The following SDK1 variants were observed in gnomAD, a reference collection of about 807,000 sequenced individuals.
SDK1 encodes the protein protein sidekick-1.
SDK1 carries 157 observed loss-of-function variants against 245.5 expected under a neutral mutation model. That is an observed-to-expected ratio of 0.64 (90% CI 0.56 to 0.73). The LOEUF (loss-of-function observed/expected upper bound fraction) is 0.73. SDK1 is among the 30% of genes least tolerant of loss of function. The pLI is 0.00. For missense variants in SDK1, 3,583 were observed against 3,002.3 expected (o/e 1.19, Z -4.52); for synonymous variants, 1,647 against 1,278.5 (o/e 1.29, Z -6.15).
At chr7:3,890,908 G>T (rs1583518170) in intron 5 of SDK1, among the ~76,000 whole-genome samples, 1 of 152,104 alleles carries the variant, frequency 6.6e-6, no homozygotes, top group South Asian at 2.1e-4. Context: ...CTCCAGCCTG[G>T]GTGATATAGC....
intron 1 of SDK1, among the ~76,000 whole-genome samples, chr7:3,431,807 A>G (rs1314944068): frequency 1.3e-5 from 2 of 152,292 alleles, no homozygotes; most frequent in East Asian, 1.9e-4. Flanking sequence ...TGATAGAAAC[A>G]TAGGTGCATT....
chr7:3,836,621 C>A (rs550885145), intron 5 of SDK1, among the ~76,000 whole-genome samples: 14 of 152,294 alleles, frequency 9.2e-5, no homozygotes, highest in African/African-American at 3.4e-4. Flanking sequence ...ACATTTCTCT[C>A]CAAATGGGAA....
chr7:4,233,056 A>G, intron 40 of SDK1, 199 bp from the exon 41 acceptor site: 1 of 555,478 alleles, frequency 1.8e-6, no homozygotes, highest in South Asian at 2.4e-5. Context: ...TTCTACAATC[A>G]TCACACCATT....
intron 28 of SDK1, among the ~76,000 whole-genome samples, chr7:4,139,871 T>G (rs1247878964): frequency 6.6e-6 from 1 of 152,026 alleles, no homozygotes; most frequent in Non-Finnish European, 1.5e-5. Flanking sequence ...TGGAGCTGGG[T>G]GGAGCCCTCG....
chr7:4,078,181 C>G (rs1310991504), intron 21 of SDK1, among the ~76,000 whole-genome samples: 1 of 152,136 alleles, frequency 6.6e-6, no homozygotes, highest in Non-Finnish European at 1.5e-5. Flanking sequence ...AGTTGCTGTT[C>G]CGTCATTGCC....
At chr7:4,030,217 G>C (rs1045970474) in intron 17 of SDK1, among the ~76,000 whole-genome samples, 2 of 151,896 alleles carry the variant, frequency 1.3e-5, no homozygotes, top group African/African-American at 2.4e-5. Context: ...GCCACACAGA[G>C]AGAACCAAGG....
chr7:3,565,138 A>G lies in SDK1; in HGVS notation c.299-53942A>G, dbSNP rs188261399. ...TTTTTTTTAAACCTCACAAGGGGATAACTAGACACTGGAATATAGCTGGGC... is the reference window on the plus strand; with the variant it reads ...TTTTTTTTAAACCTCACAAGGGGATGACTAGACACTGGAATATAGCTGGGC... On this transcript the variant is annotated intron_variant, in intron 1 of 44. Transcript: ENST00000404826. Among the ~76,000 whole-genome samples, 364 of 152,020 alleles carry G rather than the reference A, an allele frequency of 2.4e-3. 3 individuals are homozygous for G. The highest frequency in any genetic ancestry group is 0.018 in the South Asian group (84 of 4,800).
intron 35 of SDK1, among the ~76,000 whole-genome samples, chr7:4,195,502 C>T (rs1247799393): frequency 1.3e-5 from 2 of 152,314 alleles, no homozygotes; most frequent in East Asian, 3.9e-4. Context: ...GAGTCCCCTC[C>T]CGCCTGGGAG....
chr7:3,366,605 G>T (rs945041903), intron 1 of SDK1, among the ~76,000 whole-genome samples: 7 of 152,080 alleles, frequency 4.6e-5, no homozygotes, highest in Admixed American at 2.6e-4. Flanking sequence ...TGCTATTTCA[G>T]TGTAGTTTTT....
intron 4 of SDK1, among the ~76,000 whole-genome samples, chr7:3,697,034 C>A (rs916024236): frequency 6.6e-6 from 1 of 152,170 alleles, no homozygotes; most frequent in African/African-American, 2.4e-5. Context: ...TATACTCTCT[C>A]AGGTTCTTAA....
chr7:3,399,110 G>T (rs1019703347), intron 1 of SDK1, among the ~76,000 whole-genome samples: 20 of 151,948 alleles, frequency 1.3e-4, no homozygotes, highest in African/African-American at 4.6e-4. Flanking sequence ...TGCACTTGGG[G>T]ATGTCCCAGA....
At chr7:4,199,757 G>A (rs953024689) in intron 35 of SDK1, among the ~76,000 whole-genome samples, 1 of 152,092 alleles carries the variant, frequency 6.6e-6, no homozygotes, top group African/African-American at 2.4e-5. Context: ...GGAGTGCTCT[G>A]CCTTTCTCTC....
At position 3,759,266 on chromosome 7, in the gene SDK1, A is replaced by G. The variant is rs186691343; in HGVS notation, c.714-62184A>G. 4.3e-4 allele frequency among the ~76,000 whole-genome samples: 65 copies of G among 152,334 alleles called. No individual in the cohort carries two copies. In the East Asian group the frequency reaches 6.6e-3, roughly 15 times the overall value. On this transcript the variant is annotated intron_variant, in intron 4 of 44. Transcript: ENST00000404826. Reference sequence around the variant, plus strand: ...CTGAAGTCTAAATCCCAAAAGATCAATCTCTAAATAGAAAGTGGGAATGTT... The same window carrying G: ...CTGAAGTCTAAATCCCAAAAGATCAGTCTCTAAATAGAAAGTGGGAATGTT...
chr7:3,962,936 T>A, intron 9 of SDK1, 85 bp downstream of exon 9: 1 of 517,842 alleles, frequency 1.9e-6, no homozygotes, highest in Non-Finnish European at 3.0e-6. Context: ...ATGTAACCAG[T>A]GGGTACACCC....
chr7:4,127,628 T>A, intron 26 of SDK1, 132 bp downstream of exon 26: 1 of 669,224 alleles, frequency 1.5e-6, no homozygotes, highest in Non-Finnish European at 2.7e-6. Context: ...TTGTGATTTT[T>A]ATTAAGATAT....
intron 5 of SDK1, among the ~76,000 whole-genome samples, chr7:3,874,769 C>T (rs1396160115): frequency 6.6e-6 from 1 of 152,028 alleles, no homozygotes; most frequent in Non-Finnish European, 1.5e-5. Context: ...TCTTTCTGAC[C>T]ACAGTAAGAT....
At chr7:4,183,416 G>A (rs942643846) in intron 35 of SDK1, among the ~76,000 whole-genome samples, 14 of 151,818 alleles carry the variant, frequency 9.2e-5, no homozygotes, top group South Asian at 2.1e-4. Context: ...TGGGTGGATC[G>A]CGAAGTCAGG....
intron 1 of SDK1, among the ~76,000 whole-genome samples, chr7:3,416,426 A>G (rs1307504528): frequency 1.3e-5 from 2 of 150,554 alleles, no homozygotes; most frequent in Non-Finnish European, 2.9e-5. Context: ...TGACATTAAT[A>G]TGAGTGAAGT....
At position 3,559,424 on chromosome 7, in the gene SDK1, G is replaced by T. The variant is rs577318933; in HGVS notation, c.299-59656G>T. 3.5e-4 allele frequency among the ~76,000 whole-genome samples: 53 copies of T among 152,256 alleles called. 1 individual carries two copies. In the South Asian group the frequency reaches 0.01, roughly 30 times the overall value. ...TCCAGGAAAAAAAATTTCTCTGCCA[G>T]TGAACTTTTATGTTTCTTTTGCCAG... On this transcript the variant is annotated intron_variant, in intron 1 of 44. Coordinates refer to ENST00000404826, the MANE Select transcript of SDK1 (RefSeq NM_152744.4).
Sources: gnomAD v4.1 joint callset for allele counts (sites outside exome capture counted in the v4.1 genomes callset) on GRCh38, gnomAD v4.1.1 for gene constraint, MANE v1.5 for transcripts, NCBI Gene and HGNC (gene_info 2026-07-23, HGNC 2026-07-21) for gene names.